TRIM6: variants seen among roughly 807,000 people sequenced by gnomAD.
TRIM6 encodes tripartite motif containing 6.
A neutral mutation model predicts 51.2 loss-of-function variants in TRIM6; 43 were observed. The observed-to-expected ratio is 0.84, with a 90% CI of 0.66 to 1.08. TRIM6 has a LOEUF of 1.08. Among genes scored for constraint, TRIM6 ranks in the 50% least tolerant of loss-of-function variants. TRIM6 has a pLI of 0.00. For missense variants in TRIM6, 669 were observed against 619.0 expected (o/e 1.08, Z -0.86); for synonymous variants, 215 against 232.4 (o/e 0.93, Z 0.68).
chr11:5,596,530 CCCCCTTCCCCCTTCCCCCTT>C, upstream of TRIM6: 2 of 20,214 alleles, frequency 9.9e-5, 1 homozygote. Flanking sequence ...TTCCCCCCTT[CCCCCTTCCCCCTTCCCCCTT>C]CCCCCTTCCC....
At chr11:5,608,299 G>T in intron 4 of TRIM6, 73 bp from the exon 5 acceptor site, 1 of 1,598,630 alleles carries the variant, frequency 6.3e-7, no homozygotes, top group Non-Finnish European at 8.5e-7. Flanking sequence ...TGGGGTAGGG[G>T]ACATGGAAGG....
At chr11:5,606,480 CT>C (rs1404962627) in intron 4 of TRIM6, among the ~76,000 whole-genome samples, 2 of 151,732 alleles carry the variant, frequency 1.3e-5, no homozygotes, top group Non-Finnish European at 2.9e-5. Flanking sequence ...TGTCTTCGTG[CT>C]TTCCTCTTGC....
At chr11:5,606,198 C>T (rs1848196450) in intron 4 of TRIM6, among the ~76,000 whole-genome samples, 2 of 152,202 alleles carry the variant, frequency 1.3e-5, no homozygotes, top group Non-Finnish European at 2.9e-5. Context: ...TCTTTGTTTT[C>T]ACTCTCTTCT....
rs1322455928 is a variant in TRIM6, at chr11:5,610,140, T to C, written c.858-5T>C. 1.9e-6 allele frequency: 3 copies of C among 1,613,782 alleles called. No homozygotes were observed. In the African/African-American group the frequency reaches 4.0e-5, roughly 22 times the overall value. On this transcript the variant is annotated splice_region_variant and splice_polypyrimidine_tract_variant and intron_variant, in intron 5 of 7. Transcript: ENST00000380097. The stretch of plus-strand genomic sequence containing the variant: ...GTGGGAACTCAGAAGTCCTGTCCTT[T>C]CTAGGAGTGAGTTCTGGACCCTGAG...
At position 5,603,727 on chromosome 11, in the gene TRIM6, G is replaced by C; in HGVS notation, c.499G>C (p.Glu167Gln). The C allele has an allele frequency of 6.2e-7, 1 of 1,613,424 alleles. No individual in the cohort carries two copies. Among genetic ancestry groups the C allele is most frequent in the Non-Finnish European group, 8.5e-7 (1 of 1,179,882 alleles). The change falls in exon 2 of 8, where the codon GAG becomes CAG. Residue 167 changes from glutamate (E) to glutamine (Q), a missense_variant. Coordinates refer to ENST00000380097, the MANE Select transcript of TRIM6 (RefSeq NM_001003818.3). ...HTFLVEEVAQ[E>Q]YQEKFQESLK... ...GTTCCTCGTGGAGGAGGTTGCCCAG[G>C]AGTACCAGGTGAGACCCCAGGATGG... is the stretch of plus-strand genomic sequence containing the variant.
Position 5,596,878 on chromosome 11 carries a change from C to T in TRIM6, c.-20C>T. The T allele has an allele frequency of 6.2e-7, 1 of 1,614,004 alleles. No individual in the cohort carries two copies. ...CTGATATTGCTTACATCTGGAACTT[C>T]TTGGCTTCTCATTCCCCAGATGTGC... On this transcript the variant is annotated 5_prime_UTR_variant, in exon 1 of 8. Coordinates refer to ENST00000380097, the MANE Select transcript of TRIM6 (RefSeq NM_001003818.3).
Position 5,611,475 on chromosome 11 carries a change from A to G in TRIM6, c.*133A>G. ...TTTTGGTTTTTGAATCTTTTTTGAG[A>G]TGGAATCTCGCTCTGTCGCCCAGGC... On this transcript the variant is annotated 3_prime_UTR_variant, in exon 8 of 8. Transcript: ENST00000380097. 1.2e-6 allele frequency: 1 copy of G among 837,534 alleles called. No homozygotes were observed. The highest frequency in any genetic ancestry group is 1.9e-6 in the Non-Finnish European group (1 of 534,192). The allele number at this position is 837,534 out of a possible 1,614,324, so 51.9% of individuals were successfully genotyped here. A position where few individuals can be genotyped will look rare whatever the true frequency, so the allele number is the denominator to read the frequency against.
intron 4 of TRIM6, among the ~76,000 whole-genome samples, chr11:5,607,206 A>C (rs10742742): frequency 0.24 from 36,234 of 152,100 alleles, 4,377 homozygotes; most frequent in Middle Eastern, 0.43. Flanking sequence ...TCCATCTCAA[A>C]AAAAAAAAAT....
rs1848545580 is a variant in TRIM6, at chr11:5,611,013, T to G, written c.1222T>G (p.Phe408Val). The change falls in exon 8 of 8, where the codon TTC becomes GTC. Residue 408 changes from phenylalanine (F) to valine (V), a missense_variant. Phe to Val is a conservative substitution (Grantham distance 50). Coordinates refer to ENST00000380097, the MANE Select transcript of TRIM6 (RefSeq NM_001003818.3). ...ATGCAGCAATTCACTGGGACCTACA[T>G]TCTCTTTCAACCATTTTGCTCAAAA... ...GVCSNSLGPT[F>V]SFNHFAQNHS... is the part of the protein sequence containing the mutation. The G allele has an allele frequency of 1.9e-6, 3 of 1,614,142 alleles. No homozygotes were observed. The East Asian group carries it at 6.7e-5, about 36-fold the overall frequency.
At chr11:5,608,333 C>G (rs760777758) in intron 4 of TRIM6, 39 bp from the exon 5 acceptor site, 2 of 1,612,184 alleles carry the variant, frequency 1.2e-6, no homozygotes, top group East Asian at 2.2e-5. Flanking sequence ...AGGGCATGAC[C>G]TGTTACTCCT....
Position 5,603,429 on chromosome 11 carries a change from C to T in TRIM6, c.201C>T (p.Ile67=). 6.2e-7 allele frequency: 1 copy of T among 1,614,104 alleles called. No homozygotes were observed. Among genetic ancestry groups the T allele is most frequent in the Non-Finnish European group, 8.5e-7 (1 of 1,180,032 alleles). ...GCCACAGCTTCTGCCAAGCCTGCATCACACCAAATGGCAGGGAATCAGTGA... is the reference window on the plus strand; with the variant it reads ...GCCACAGCTTCTGCCAAGCCTGCATTACACCAAATGGCAGGGAATCAGTGA... ...DCGHSFCQAC[I]TPNGRESVIG... Residue 67 remains isoleucine, a synonymous_variant, in exon 2 of 8, where the codon ATC becomes ATT. Coordinates refer to ENST00000380097, the MANE Select transcript of TRIM6 (RefSeq NM_001003818.3).
chr11:5,609,257 T>C (rs1002461168), intron 5 of TRIM6, among the ~76,000 whole-genome samples: 1 of 152,172 alleles, frequency 6.6e-6, no homozygotes, highest in Admixed American at 6.5e-5. Context: ...TTCTGAAATC[T>C]GTACTCTCCG....
At chr11:5,596,403 AAGCTGAAGTATGTAGAGGAG>A (rs536838976), upstream of TRIM6, among the ~76,000 whole-genome samples, 146,465 of 151,178 alleles carry the variant, frequency 0.97, 71,113 homozygotes, top group Middle Eastern at 1. Flanking sequence ...TCTATTCTAC[AAGCTGAAGTATGTAGAGGAG>A]GCAGCTCTGG....
At chr11:5,610,475 G>A (rs563943170) in intron 6 of TRIM6, 60 bp from the exon 7 acceptor site, 1 of 1,613,182 alleles carries the variant, frequency 6.2e-7, no homozygotes, top group East Asian at 2.2e-5. Flanking sequence ...TAAGGAGAGA[G>A]ATACCAGACA....
At position 5,596,905 on chromosome 11, in the gene TRIM6, G is replaced by A. The variant is rs1847499856; in HGVS notation, c.8G>A (p.Gly3Glu). The A allele has an allele frequency of 1.5e-5, 25 of 1,613,916 alleles. No individual in the cohort carries two copies. Among genetic ancestry groups the A allele is most frequent in the South Asian group, 2.2e-5 (2 of 91,078 alleles). The stretch of plus-strand genomic sequence containing the variant: ...TGGCTTCTCATTCCCCAGATGTGCG[G>A]GTCAGAGAGGTATGTCTACCGTTCT... MC[G>E]SERILQAGNI... Residue 3 changes from glycine (G) to glutamate (E), a missense_variant, in exon 1 of 8, where the codon GGG (glycine) becomes GAG (glutamate). By Grantham distance (98) the Gly-to-Glu change is moderately conservative. Transcript: ENST00000380097.
intron 1 of TRIM6, among the ~76,000 whole-genome samples, chr11:5,600,903 T>A (rs1301612087): frequency 6.6e-6 from 1 of 152,106 alleles, no homozygotes; most frequent in Admixed American, 6.5e-5. Flanking sequence ...AACAAATGGC[T>A]CCCAGTGAAA....
chr11:5,610,489 G>A, intron 6 of TRIM6, 46 bp from the exon 7 acceptor site: 1 of 1,613,810 alleles, frequency 6.2e-7, no homozygotes, highest in Non-Finnish European at 8.5e-7. Flanking sequence ...CCAGACATGA[G>A]ACAGTTGGTC....
rs753385585 is a variant in TRIM6, at chr11:5,611,314, C to G, written c.1523C>G (p.Pro508Arg). Reference sequence around the variant, plus strand: ...TTTAATCCTTGCAACTGTGTAATTCCTATGACCCTGCGTCGTCCAAGCTCT... The same window carrying G: ...TTTAATCCTTGCAACTGTGTAATTCGTATGACCCTGCGTCGTCCAAGCTCT... ...PYFNPCNCVI[P>R]MTLRRPSS is the part of the protein sequence containing the mutation. The change falls in exon 8 of 8, where the codon CCT (proline) becomes CGT (arginine). Residue 508 changes from proline (P) to arginine (R), a missense_variant. Coordinates refer to ENST00000380097, the MANE Select transcript of TRIM6 (RefSeq NM_001003818.3). 5.0e-6 allele frequency: 8 copies of G among 1,613,968 alleles called. No homozygotes were observed. In the East Asian group the frequency reaches 1.8e-4, roughly 36 times the overall value.
In TRIM6 at chr11:5,596,853, C is replaced by A. The variant is rs758104357; in HGVS notation, c.-45C>A. ...GATTGCTCTGAAGAGCTTTGACCAC[C>A]TGATATTGCTTACATCTGGAACTTC... On this transcript the variant is annotated 5_prime_UTR_variant, in exon 1 of 8. The change creates a new upstream start codon in the 5' untranslated region. Transcript: ENST00000380097. 6.2e-6 allele frequency: 10 copies of A among 1,613,750 alleles called. No homozygotes were observed. In the East Asian group the frequency reaches 2.0e-4, roughly 32 times the overall value.
Sources: allele counts gnomAD v4.1 joint callset (sites outside exome capture counted in the v4.1 genomes callset), GRCh38; gene constraint gnomAD v4.1.1; transcripts MANE v1.5; gene names NCBI Gene and HGNC (gene_info 2026-07-23, HGNC 2026-07-21).